The following ESF1 variants were observed in gnomAD, a reference collection of about 807,000 sequenced individuals.
ESF1 encodes ESF1 nucleolar pre-rRNA processing protein, also known as ESF1 homolog.
ESF1 carries 58 observed loss-of-function variants against 92.0 expected under a neutral mutation model. The observed-to-expected ratio is 0.63, with a 90% confidence interval of 0.51 to 0.78. ESF1 has a LOEUF of 0.78. ESF1 is among the 30% of genes least tolerant of loss of function. The probability of loss-of-function intolerance (pLI) is 0.00; values close to 1 mark genes in which losing one functional copy is unlikely to be tolerated. For missense variants in ESF1, 922 were observed against 989.1 expected (o/e 0.93, Z 0.91); for synonymous variants, 321 against 313.7 (o/e 1.02, Z -0.24).
intron 11 of ESF1, among the ~76,000 whole-genome samples, chr20:13,727,758 CCAGAT>C (rs1345849792): frequency 6.6e-6 from 1 of 151,978 alleles, no homozygotes; most frequent in Non-Finnish European, 1.5e-5. Context: ...AAATCAGATA[CCAGAT>C]AATTTAGGGA....
At chr20:13,730,385 CTT>C (rs761416984) in intron 10 of ESF1, among the ~76,000 whole-genome samples, 15 of 134,094 alleles carry the variant, frequency 1.1e-4, no homozygotes, top group Admixed American at 2.3e-4. Flanking sequence ...AGAACAAGTG[CTT>C]TTTTTTTTTT....
At chr20:13,747,210 T>A (rs1044208901) in intron 9 of ESF1, among the ~76,000 whole-genome samples, 3 of 151,760 alleles carry the variant, frequency 2.0e-5, no homozygotes, top group Admixed American at 6.6e-5. Flanking sequence ...ATTGGCAGTG[T>A]CCTTTATGCA....
chr20:13,771,879 T>A (rs1423474136), intron 5 of ESF1, among the ~76,000 whole-genome samples: 2 of 151,448 alleles, frequency 1.3e-5, no homozygotes, highest in Non-Finnish European at 3.0e-5. Flanking sequence ...CTTAAGAGTC[T>A]ATAAGTTTGA....
intron 3 of ESF1, 22 bp from the exon 4 acceptor site, chr20:13,775,292 A>G: frequency 1.4e-6 from 2 of 1,394,188 alleles, no homozygotes; most frequent in South Asian, 1.2e-5. Flanking sequence ...GAAGAATTAA[A>G]TAGTACATAA....
chr20:13,729,431 A>G (rs1312835587), intron 10 of ESF1, among the ~76,000 whole-genome samples: 1 of 152,208 alleles, frequency 6.6e-6, no homozygotes, highest in East Asian at 1.9e-4. Flanking sequence ...ATAAATAAAA[A>G]TAATTCAAGA....
At position 13,748,469 on chromosome 20, in the gene ESF1, C is replaced by CAT. The variant is rs534050813; in HGVS notation, c.1828+11221_1828+11222dup. On this transcript the variant is annotated intron_variant, in intron 9 of 13. Transcript: ENST00000617257. ...ATATACATATATATACATATATACACATATATACACATATACACATATATA... is the reference window on the plus strand; with the variant it reads ...ATATACATATATATACATATATACACATATATATACACATATACACATATATA... 4.8e-3 allele frequency among the ~76,000 whole-genome samples: 333 copies of CAT among 69,976 alleles called. 14 individuals carry two copies. The highest frequency in any genetic ancestry group is 0.019 in the African/African-American group (323 of 16,870). 45.9% of individuals were successfully genotyped at this position (69,976 alleles called of 152,430 possible).
chr20:13,732,153 G>A lies in ESF1; in HGVS notation c.1950+1568C>T, dbSNP rs536101625. 6.6e-5 allele frequency among the ~76,000 whole-genome samples: 10 copies of A among 152,326 alleles called. 1 individual carries two copies. The South Asian group carries it at 1.4e-3, about 22-fold the overall frequency. On this transcript the variant is annotated intron_variant, in intron 10 of 13. Coordinates refer to ENST00000617257, the MANE Select transcript of ESF1 (RefSeq NM_001276380.2). ...ACTTCAGACTGGTGTCTGAAAGGGT[G>A]GAGGCAGTCTTGGGGACCGAGCCCC... is the stretch of plus-strand genomic sequence containing the variant.
At chr20:13,777,002 T>C (rs1979972097) in intron 2 of ESF1, among the ~76,000 whole-genome samples, 1 of 152,146 alleles carries the variant, frequency 6.6e-6, no homozygotes, top group Admixed American at 6.5e-5. Context: ...ATAAAAGCAA[T>C]GGGAAGACAC....
intron 1 of ESF1, 126 bp downstream of exon 1, chr20:13,784,754 G>A (rs2147461112): frequency 2.6e-6 from 1 of 390,732 alleles, no homozygotes; most frequent in East Asian, 5.4e-5. Context: ...TCAGGAGGAA[G>A]GGGCAAAACC....
chr20:13,725,643 G>C (rs1352405157), intron 11 of ESF1, among the ~76,000 whole-genome samples: 1 of 152,164 alleles, frequency 6.6e-6, no homozygotes, highest in African/African-American at 2.4e-5. Flanking sequence ...ACTTCCTCCA[G>C]TATGACAGAT....
intron 7 of ESF1, among the ~76,000 whole-genome samples, chr20:13,768,517 G>C (rs1166743662): frequency 6.6e-6 from 1 of 152,082 alleles, no homozygotes; most frequent in African/African-American, 2.4e-5. Flanking sequence ...GGGAGGCAGA[G>C]GTTGCAGTGA....
At chr20:13,721,080 G>A (rs1344262203) in intron 11 of ESF1, among the ~76,000 whole-genome samples, 1 of 152,080 alleles carries the variant, frequency 6.6e-6, no homozygotes, top group Non-Finnish European at 1.5e-5. Context: ...CAGAGATTGT[G>A]CCACTGCACT....
At chr20:13,719,244 A>G (rs1568707454) in intron 11 of ESF1, among the ~76,000 whole-genome samples, 1 of 152,172 alleles carries the variant, frequency 6.6e-6, no homozygotes, top group Non-Finnish European at 1.5e-5. Flanking sequence ...TTACCAATTA[A>G]AAAAGAAAAA....
rs1031519415 is a variant in ESF1 at position 13,775,193 on chromosome 20, T to C, written c.1113A>G (p.Ser371=). 8 of 1,608,528 alleles carry C rather than the reference T, an allele frequency of 5.0e-6. No individual in the cohort carries two copies. In the African/African-American group the frequency reaches 9.4e-5, roughly 19 times the overall value. Residue 371 remains serine, a synonymous_variant, in exon 4 of 14, where the codon TCA becomes TCG. Coordinates refer to ENST00000617257, the MANE Select transcript of ESF1 (RefSeq NM_001276380.2). ...ATATTACACCTCCTTTGGGTTTAAA[T>C]GAATTGAACAGAGCCAGCAAATCTT... ...KAKDLLALFN[S]FKPKGGVIFS...
At chr20:13,755,793 T>C (rs763698162) in intron 9 of ESF1, among the ~76,000 whole-genome samples, 2 of 152,180 alleles carry the variant, frequency 1.3e-5, no homozygotes, top group Non-Finnish European at 2.9e-5. Context: ...ATACTTACCC[T>C]TAAGAAATTA....
At chr20:13,743,755 G>C (rs2050030270) in intron 9 of ESF1, among the ~76,000 whole-genome samples, 1 of 152,164 alleles carries the variant, frequency 6.6e-6, no homozygotes, top group Non-Finnish European at 1.5e-5. Flanking sequence ...CAAAAAATAG[G>C]AATGTTCAGT....
chr20:13,747,576 G>A (rs538721413), intron 9 of ESF1, among the ~76,000 whole-genome samples: 56 of 147,388 alleles, frequency 3.8e-4, no homozygotes, highest in African/African-American at 1.4e-3. Flanking sequence ...CCTGCCGACA[G>A]AGCGAGACTC....
At chr20:13,755,960 T>A (rs1473100196) in intron 9 of ESF1, among the ~76,000 whole-genome samples, 1 of 151,860 alleles carries the variant, frequency 6.6e-6, no homozygotes, top group Non-Finnish European at 1.5e-5. Flanking sequence ...TTTTGGAGAG[T>A]CAAGCCACAG....
chr20:13,762,167 A>G (rs1979230234), intron 8 of ESF1, among the ~76,000 whole-genome samples: 1 of 152,140 alleles, frequency 6.6e-6, no homozygotes, highest in Non-Finnish European at 1.5e-5. Flanking sequence ...TAAAAAAGTG[A>G]TATGGAAAAA....
Sources: gnomAD v4.1 joint callset for allele counts (sites outside exome capture counted in the v4.1 genomes callset) on GRCh38, gnomAD v4.1.1 for gene constraint, MANE v1.5 for transcripts, NCBI Gene and HGNC (gene_info 2026-07-23, HGNC 2026-07-21) for gene names.